RASSF4: variants seen among roughly 807,000 people sequenced by gnomAD.
The protein encoded by RASSF4 is ras association domain-containing protein 4.
A neutral mutation model predicts 41.1 loss-of-function variants in RASSF4; 38 were observed. The observed-to-expected ratio is 0.92, with a 90% CI of 0.71 to 1.21. The LOEUF (loss-of-function observed/expected upper bound fraction) is 1.21, where lower values mean the gene tolerates loss of function less well. Ranked by LOEUF, RASSF4 falls within the 50% of genes most tolerant of loss-of-function variation. The probability of loss-of-function intolerance (pLI) is 0.00; values close to 1 mark genes in which losing one functional copy is unlikely to be tolerated. For synonymous variants in RASSF4, 179 were observed against 163.4 expected (o/e 1.10, Z -0.73); for missense variants, 414 against 419.4 (o/e 0.99, Z 0.11).
At chr10:44,992,945 C>T (rs1206791028) in intron 10 of RASSF4, among the ~76,000 whole-genome samples, 5 of 152,154 alleles carry the variant, frequency 3.3e-5, no homozygotes, top group Non-Finnish European at 4.4e-5. Context: ...GGAAGGTTGC[C>T]GCATAGGTTA....
chr10:44,992,081 G>A, intron 10 of RASSF4, 79 bp downstream of exon 10: 1 of 913,912 alleles, frequency 1.1e-6, no homozygotes, highest in Non-Finnish European at 1.7e-6. Flanking sequence ...GTGCCGGCTG[G>A]GAGGTCTCTC....
At chr10:44,979,279 G>A (rs906427625) in intron 3 of RASSF4, among the ~76,000 whole-genome samples, 1 of 152,216 alleles carries the variant, frequency 6.6e-6, no homozygotes, top group African/African-American at 2.4e-5. Flanking sequence ...ACCAAGGGCG[G>A]TCTGCGGGGT....
rs1179596813 is a variant in RASSF4, at chr10:44,993,481, A to T, written c.*152A>T. ...ACCTCTCTGAAGCCTGAGCACCATGATTCCCACAGCCAGCTCTTGGCTCCA... is the reference window on the plus strand; with the variant it reads ...ACCTCTCTGAAGCCTGAGCACCATGTTTCCCACAGCCAGCTCTTGGCTCCA... On this transcript the variant is annotated 3_prime_UTR_variant, in exon 11 of 11. Transcript: ENST00000340258. 64 of 640,160 alleles carry T rather than the reference A, an allele frequency of 1.0e-4. No homozygotes were observed. Among genetic ancestry groups the T allele is most frequent in the Non-Finnish European group, 5.5e-6 (2 of 363,488 alleles). 39.7% of individuals were successfully genotyped at this position (640,160 alleles called of 1,614,324 possible).
At chr10:44,984,366 G>A (rs1349403255) in intron 5 of RASSF4, 3 of 542,458 alleles carry the variant, frequency 5.5e-6, no homozygotes, top group Non-Finnish European at 9.8e-6. Flanking sequence ...CCCCCGCCCT[G>A]TGTGTGCTAT....
intron 4 of RASSF4, chr10:44,983,382 G>C (rs563301935): frequency 2.0e-4 from 39 of 190,496 alleles, no homozygotes; most frequent in African/African-American, 8.5e-4. Context: ...CACAGAATTA[G>C]AGCATAAAGT....
At chr10:44,960,454 A>T (rs1840666858) in intron 1 of RASSF4, among the ~76,000 whole-genome samples, 1 of 152,200 alleles carries the variant, frequency 6.6e-6, no homozygotes, top group Non-Finnish European at 1.5e-5. Context: ...TGGAGCCAGG[A>T]TTTGAACCCA....
In RASSF4 at chr10:44,984,800, AT is replaced by A. The variant is rs755345729; in HGVS notation, c.374-10del. ...CACCCACCCTGCCATTCTCTCACCC[AT>A]TTCTCATGCAGGGCCCCTGGAGGAG... On this transcript the variant is annotated splice_polypyrimidine_tract_variant and intron_variant, in intron 5 of 10. Coordinates refer to ENST00000340258, the MANE Select transcript of RASSF4 (RefSeq NM_032023.4). 6.2e-7 allele frequency: 1 copy of A among 1,612,578 alleles called. No individual in the cohort carries two copies. The highest frequency in any genetic ancestry group is 1.3e-5 in the African/African-American group (1 of 74,858).
chr10:44,991,788 C>T, intron 9 of RASSF4, 117 bp from the exon 10 acceptor site: 1 of 671,966 alleles, frequency 1.5e-6, no homozygotes, highest in Non-Finnish European at 2.6e-6. Context: ...AAAGCGGCAG[C>T]TCCTTCTGTG....
rs893776163 is a variant in RASSF4, at chr10:44,990,357, T to C, written c.686-591T>C. On this transcript the variant is annotated intron_variant, in intron 8 of 10. Coordinates refer to ENST00000340258, the MANE Select transcript of RASSF4 (RefSeq NM_032023.4). ...CAGAAGTTTGTTAACACTTGCATCA[T>C]GCATGCCCTTTGGAATATCCAGGGA... is the stretch of plus-strand genomic sequence containing the variant. Among the ~76,000 whole-genome samples the C allele has an allele frequency of 3.3e-5, 5 of 152,236 alleles. No homozygotes were observed. In the East Asian group the frequency reaches 9.6e-4, roughly 29 times the overall value.
At chr10:44,983,233 T>G (rs7079700) in intron 4 of RASSF4, 53,974 of 338,184 alleles carry the variant, frequency 0.16, 4,748 homozygotes, top group South Asian at 0.25. Context: ...TCTGCAGTAG[T>G]AACTCCTGTA....
chr10:44,969,171 A>G (rs1003337596), intron 1 of RASSF4, among the ~76,000 whole-genome samples: 3 of 151,728 alleles, frequency 2.0e-5, no homozygotes, highest in South Asian at 4.2e-4. Flanking sequence ...CCTAGCATGT[A>G]GGAGGCCTTG....
At chr10:44,964,219 G>A (rs1002311970) in intron 1 of RASSF4, among the ~76,000 whole-genome samples, 1 of 152,256 alleles carries the variant, frequency 6.6e-6, no homozygotes, top group African/African-American at 2.4e-5. Flanking sequence ...CTCACTGCTT[G>A]TTCACTGGGA....
chr10:44,971,370 A>C, intron 2 of RASSF4: 1 of 395,100 alleles, frequency 2.5e-6, no homozygotes, highest in Admixed American at 2.8e-5. Flanking sequence ...CAGGCCTTGT[A>C]GGAAGTGATA....
intron 3 of RASSF4, chr10:44,978,118 AC>A: frequency 6.8e-7 from 1 of 1,471,700 alleles, no homozygotes; most frequent in African/African-American, 1.4e-5. Context: ...CCTCAGCGTC[AC>A]CACACTCCTC....
intron 6 of RASSF4, 81 bp downstream of exon 6, chr10:44,985,051 G>A: frequency 6.7e-7 from 1 of 1,482,846 alleles, no homozygotes; most frequent in South Asian, 1.2e-5. Context: ...CATGACCTGT[G>A]TGGGGGCTGC....
At chr10:44,977,598 T>A in intron 3 of RASSF4, 1 of 1,613,318 alleles carries the variant, frequency 6.2e-7, no homozygotes, top group South Asian at 1.1e-5. Flanking sequence ...GGGGCCCCCA[T>A]GGGCTTGCTG....
At chr10:44,969,538 G>C (rs908921649) in intron 1 of RASSF4, among the ~76,000 whole-genome samples, 12 of 152,222 alleles carry the variant, frequency 7.9e-5, no homozygotes, top group Non-Finnish European at 1.3e-4. Flanking sequence ...TGCTGGAACA[G>C]TGGCTTTTCT....
chr10:44,989,846 G>T, intron 8 of RASSF4, 125 bp downstream of exon 8: 7 of 832,618 alleles, frequency 8.4e-6, no homozygotes, highest in Non-Finnish European at 1.4e-5. Flanking sequence ...TTGCCTAGTG[G>T]GCTAGGGCAC....
intron 4 of RASSF4, chr10:44,982,976 T>C: frequency 1.6e-6 from 1 of 630,234 alleles, no homozygotes; most frequent in Non-Finnish European, 3.0e-6. Context: ...AAGCCGAACA[T>C]GTCTCGCCAT....
Sources: gnomAD v4.1 joint callset for allele counts (sites outside exome capture counted in the v4.1 genomes callset) on GRCh38, gnomAD v4.1.1 for gene constraint, MANE v1.5 for transcripts, NCBI Gene and HGNC (gene_info 2026-07-23, HGNC 2026-07-21) for gene names.